The following SLC16A7 variants were observed in gnomAD, a reference collection of about 807,000 sequenced individuals.
The protein encoded by SLC16A7 is solute carrier family 16 member 7.
In SLC16A7, 33 loss-of-function variants were observed where a neutral mutation model predicts 34.9. That is an observed-to-expected ratio of 0.94 (90% CI 0.72 to 1.26). The LOEUF is 1.26. Among genes scored for constraint, SLC16A7 ranks in the 50% most tolerant of loss-of-function variants. The pLI is 0.00. For synonymous variants in SLC16A7, 201 were observed against 206.6 expected, an observed-to-expected ratio of 0.97 and a Z score of 0.23; for missense variants, 573 against 578.1, an observed-to-expected ratio of 0.99 and a Z score of 0.09.
rs75120566 is a variant in SLC16A7 at position 59,658,979 on chromosome 12, G to A, written c.-31+3729G>A. Among the ~76,000 whole-genome samples the A allele has an allele frequency of 3.1e-3, 478 of 152,114 alleles. 18 individuals are homozygous for A. In the East Asian group the frequency reaches 0.081, roughly 26 times the overall value. ...ATTTTAGATACAGGGGAACATTTCT[G>A]TGATACTGTCCTGATAATTAAAATC... On this transcript the variant is annotated intron_variant, in intron 2 of 5. Transcript: ENST00000547379.
At chr12:59,720,331 A>G (rs1349220169) in intron 3 of SLC16A7, 5 of 486,760 alleles carry the variant, frequency 1.0e-5, no homozygotes, top group Non-Finnish European at 1.8e-5. Flanking sequence ...TGAGACCATA[A>G]TTAGTACCCA....
intron 3 of SLC16A7, among the ~76,000 whole-genome samples, chr12:59,748,634 C>A (rs1879160654): frequency 6.6e-6 from 1 of 152,134 alleles, no homozygotes; most frequent in Non-Finnish European, 1.5e-5. Context: ...AGCTGCCTAC[C>A]ATTTCAAGAT....
chr12:59,615,498 A>G (rs1879408634), intron 1 of SLC16A7, among the ~76,000 whole-genome samples: 1 of 152,150 alleles, frequency 6.6e-6, no homozygotes, highest in Non-Finnish European at 1.5e-5. Flanking sequence ...TGTAAGAGGA[A>G]TTTTCTGATA....
intron 2 of SLC16A7, among the ~76,000 whole-genome samples, chr12:59,690,125 A>G (rs1871474749): frequency 6.6e-6 from 1 of 152,048 alleles, no homozygotes; most frequent in Non-Finnish European, 1.5e-5. Flanking sequence ...ATCCTCTTTT[A>G]CTGTAGAGCC....
At chr12:59,648,859 A>T (rs1358723437) in intron 1 of SLC16A7, among the ~76,000 whole-genome samples, 3 of 152,172 alleles carry the variant, frequency 2.0e-5, no homozygotes, top group African/African-American at 7.2e-5. Flanking sequence ...AGAGATCATG[A>T]ATTCTATGGA....
intron 1 of SLC16A7, among the ~76,000 whole-genome samples, chr12:59,602,873 C>G (rs1463392178): frequency 6.6e-6 from 1 of 152,140 alleles, no homozygotes; most frequent in East Asian, 1.9e-4. Context: ...AACTCCCAAG[C>G]CATTTGCTGT....
intron 2 of SLC16A7, among the ~76,000 whole-genome samples, chr12:59,691,417 T>C (rs1871634136): frequency 6.6e-6 from 1 of 152,068 alleles, no homozygotes; most frequent in Non-Finnish European, 1.5e-5. Flanking sequence ...TTTTGTTTGT[T>C]TGTTTTGTGT....
chr12:59,666,114 A>G (rs1869183428), intron 2 of SLC16A7, among the ~76,000 whole-genome samples: 1 of 152,150 alleles, frequency 6.6e-6, no homozygotes. Context: ...ATGAGGAACT[A>G]GGTCTAGAGA....
intron 2 of SLC16A7, among the ~76,000 whole-genome samples, chr12:59,658,526 A>C (rs1337542114): frequency 6.6e-6 from 1 of 152,064 alleles, no homozygotes; most frequent in East Asian, 1.9e-4. Flanking sequence ...GCTGTGAGTT[A>C]GTGGAAGGTT....
At chr12:59,644,288 C>T (rs763112862) in intron 1 of SLC16A7, among the ~76,000 whole-genome samples, 8 of 152,086 alleles carry the variant, frequency 5.3e-5, no homozygotes, top group Non-Finnish European at 7.4e-5. Context: ...AAGTCTTGTC[C>T]GGGCACGGTA....
intron 3 of SLC16A7, among the ~76,000 whole-genome samples, chr12:59,743,933 C>T (rs1878608129): frequency 6.6e-6 from 1 of 152,068 alleles, no homozygotes; most frequent in African/African-American, 2.4e-5. Context: ...TACAGTCTTA[C>T]TGAGAGAAAA....
chr12:59,615,482 A>G (rs1039635306), intron 1 of SLC16A7, among the ~76,000 whole-genome samples: 3 of 152,156 alleles, frequency 2.0e-5, no homozygotes, highest in Admixed American at 6.5e-5. Flanking sequence ...TTTTTTTACA[A>G]TCTCTTGTAA....
At chr12:59,610,047 T>C (rs1879125073) in intron 1 of SLC16A7, among the ~76,000 whole-genome samples, 1 of 152,184 alleles carries the variant, frequency 6.6e-6, no homozygotes, top group African/African-American at 2.4e-5. Flanking sequence ...CTCTGGCTGG[T>C]TAGGAAACAA....
chr12:59,724,989 A>C (rs1248549037), intron 3 of SLC16A7, among the ~76,000 whole-genome samples: 3 of 141,830 alleles, frequency 2.1e-5, no homozygotes, highest in Non-Finnish European at 4.4e-5. Context: ...ATGCATGCTC[A>C]AAAATGATAC....
At chr12:59,709,507 C>G (rs1873974205) in intron 3 of SLC16A7, among the ~76,000 whole-genome samples, 1 of 151,422 alleles carries the variant, frequency 6.6e-6, no homozygotes, top group Non-Finnish European at 1.5e-5. Flanking sequence ...ATATATTATT[C>G]TACATTGTGC....
chr12:59,732,277 T>G (rs1877044646), intron 3 of SLC16A7, among the ~76,000 whole-genome samples: 1 of 151,634 alleles, frequency 6.6e-6, no homozygotes, highest in Non-Finnish European at 1.5e-5. Context: ...AAAATTAGCC[T>G]GGCATGGTGG....
At chr12:59,676,694 A>G (rs1488586373) in intron 2 of SLC16A7, among the ~76,000 whole-genome samples, 1 of 152,132 alleles carries the variant, frequency 6.6e-6, no homozygotes, top group East Asian at 1.9e-4. Flanking sequence ...TTAAAGAAGG[A>G]AACAAAATGC....
At chr12:59,650,769 G>A (rs2137017862) in intron 1 of SLC16A7, among the ~76,000 whole-genome samples, 1 of 152,156 alleles carries the variant, frequency 6.6e-6, no homozygotes, top group Admixed American at 6.6e-5. Context: ...ATTCAGCAAT[G>A]GATTTCAGAG....
At chr12:59,664,691 A>G (rs530091709) in intron 2 of SLC16A7, 1 of 152,316 alleles carries the variant, frequency 6.6e-6, no homozygotes, top group African/African-American at 2.4e-5. Flanking sequence ...TCTTTGACCC[A>G]TGATATAATT....
Sources: allele counts gnomAD v4.1 joint callset (sites outside exome capture counted in the v4.1 genomes callset), GRCh38; gene constraint gnomAD v4.1.1; transcripts MANE v1.5; gene names NCBI Gene and HGNC (gene_info 2026-07-23, HGNC 2026-07-21).